The following ACCS variants were observed in gnomAD, a reference collection of about 807,000 sequenced individuals.
ACCS encodes the protein 1-aminocyclopropane-1-carboxylate synthase-like protein 1.
A neutral mutation model predicts 59.8 loss-of-function variants in ACCS; 42 were observed. The ratio of observed to expected loss-of-function variants is 0.70; its 90% CI spans 0.55 to 0.91. The LOEUF (loss-of-function observed/expected upper bound fraction) is 0.91, where lower values mean the gene tolerates loss of function less well. Ranked by LOEUF, ACCS falls within the 40% of genes least tolerant of loss-of-function variation. ACCS has a pLI of 0.00. For synonymous variants in ACCS, 230 were observed against 240.3 expected (o/e 0.96, Z 0.40); for missense variants, 602 against 630.4 (o/e 0.95, Z 0.48).
intron 10 of ACCS, 163 bp from the exon 11 acceptor site, chr11:44,080,857 C>T: frequency 1.2e-6 from 1 of 803,298 alleles, no homozygotes; most frequent in Non-Finnish European, 2.0e-6. Flanking sequence ...CTAACCCCTG[C>T]TCTAAAGGAT....
rs1196768132 is a variant in ACCS, at chr11:44,078,768, C to T, written c.817C>T (p.Leu273=). 1 of 1,613,998 alleles carries T rather than the reference C, an allele frequency of 6.2e-7. No individual in the cohort carries two copies. Among genetic ancestry groups the T allele is most frequent in the Non-Finnish European group, 8.5e-7 (1 of 1,179,976 alleles). Residue 273 remains leucine (L), a synonymous_variant, in exon 9 of 15, where the codon CTG becomes TTG. Coordinates refer to ENST00000263776, the MANE Select transcript of ACCS (RefSeq NM_032592.4). ...VYSPEELQEY[L]VFAKRHRLHV... ...CTCCCCTGAAGAGCTACAGGAGTAC[C>T]TGGTATTTGCCAAGAGGTGAGGCAC...
At chr11:44,069,408 G>C (rs1325797103) in intron 2 of ACCS, among the ~76,000 whole-genome samples, 3 of 152,218 alleles carry the variant, frequency 2.0e-5, no homozygotes, top group Admixed American at 6.5e-5. Flanking sequence ...GTAGAGACAG[G>C]GTTTTGCCAT....
At chr11:44,076,567 C>G (rs938262573) in intron 6 of ACCS, among the ~76,000 whole-genome samples, 1 of 152,162 alleles carries the variant, frequency 6.6e-6, no homozygotes, top group African/African-American at 2.4e-5. Flanking sequence ...AACAGGAACC[C>G]TCTAAGCTTC....
intron 9 of ACCS, chr11:44,079,115 A>G: frequency 2.6e-6 from 1 of 385,848 alleles, no homozygotes; most frequent in Non-Finnish European, 4.8e-6. Context: ...CCTCACAACA[A>G]CCCTCATACA....
intron 10 of ACCS, 54 bp downstream of exon 10, chr11:44,079,674 CT>C (rs1457209421): frequency 1.4e-5 from 21 of 1,528,678 alleles, no homozygotes; most frequent in Non-Finnish European, 1.7e-5. Flanking sequence ...CCACGGAGCC[CT>C]GGCCACTTTC....
chr11:44,066,757 G>C (rs1952812998), intron 1 of ACCS, 56 bp downstream of exon 1: 2 of 152,394 alleles, frequency 1.3e-5, no homozygotes, highest in South Asian at 4.1e-4. Context: ...AGAAGACTTT[G>C]CGGAGGAAAA....
rs779221374 is a variant in ACCS, at chr11:44,071,313, C to T, written c.346C>T (p.Arg116Trp). ...NKLCFDLLSW[R>W]LSQRDMQRVE... ...ACTCTGCTTTGACCTGCTGTCCTGGCGGGTAAGTCCTAGGGCCCCTCTAGG... is the reference window on the plus strand; with the variant it reads ...ACTCTGCTTTGACCTGCTGTCCTGGTGGGTAAGTCCTAGGGCCCCTCTAGG... Residue 116 changes from arginine (R) to tryptophan (W), a missense_variant and splice_region_variant, in exon 3 of 15, where the codon CGG (arginine) becomes TGG (tryptophan). Transcript: ENST00000263776. 44 of 1,614,010 alleles carry T rather than the reference C, an allele frequency of 2.7e-5. No individual in the cohort carries two copies. The highest frequency in any genetic ancestry group is 1.3e-4 in the South Asian group (12 of 91,070).
Position 44,075,574 on chromosome 11 carries a change from G to A in ACCS, c.538G>A (p.Val180Met). Residue 180 changes from valine to methionine, a missense_variant, in exon 6 of 15, where the codon GTG (valine) becomes ATG (methionine). Coordinates refer to ENST00000263776, the MANE Select transcript of ACCS (RefSeq NM_032592.4). ...GASLFSALATVLCEAGEAFLI... is the reference protein window; with the variant it reads ...GASLFSALATMLCEAGEAFLI... Reference sequence around the variant, plus strand: ...CTCGCTCTTCTCTGCTCTGGCCACGGTGCTGTGTGAGGCCGGGGGTAAGTG... The same window carrying A: ...CTCGCTCTTCTCTGCTCTGGCCACGATGCTGTGTGAGGCCGGGGGTAAGTG... 1 of 1,614,164 alleles carries A rather than the reference G, an allele frequency of 6.2e-7. No individual in the cohort carries two copies.
intron 2 of ACCS, among the ~76,000 whole-genome samples, chr11:44,068,774 A>G (rs1332502960): frequency 4.6e-5 from 7 of 152,240 alleles, no homozygotes; most frequent in Non-Finnish European, 7.3e-5. Context: ...TATTCTCATA[A>G]TGCCTTCAGA....
At chr11:44,070,178 G>A (rs1952984681) in intron 2 of ACCS, among the ~76,000 whole-genome samples, 1 of 152,142 alleles carries the variant, frequency 6.6e-6, no homozygotes. Flanking sequence ...TGGACAAAGT[G>A]GAATAGGAGG....
rs1953317238 is a variant in ACCS, at chr11:44,075,562, G to A, written c.526G>A (p.Ala176Thr). 2 of 1,614,198 alleles carry A rather than the reference G, an allele frequency of 1.2e-6. No individual in the cohort carries two copies. The highest frequency in any genetic ancestry group is 4.5e-5 in the East Asian group (2 of 44,884). The change falls in exon 6 of 15, where the codon GCT (alanine) becomes ACT (threonine). Residue 176 changes from alanine (A) to threonine (T), a missense_variant. Coordinates refer to ENST00000263776, the MANE Select transcript of ACCS (RefSeq NM_032592.4). ...VLNGGASLFS[A>T]LATVLCEAGE... The stretch of plus-strand genomic sequence containing the variant: ...GAATGGTGGTGCCTCGCTCTTCTCT[G>A]CTCTGGCCACGGTGCTGTGTGAGGC...
intron 9 of ACCS, chr11:44,079,051 A>C: frequency 2.2e-6 from 1 of 462,154 alleles, no homozygotes. Flanking sequence ...TACAATCCTC[A>C]CAACAATGCT....
intron 12 of ACCS, among the ~76,000 whole-genome samples, chr11:44,082,619 A>T (rs1463379306): frequency 6.6e-6 from 1 of 152,234 alleles, no homozygotes; most frequent in Non-Finnish European, 1.5e-5. Flanking sequence ...TAGTCACATC[A>T]GAGATGTGAC....
At position 44,067,623 on chromosome 11, in the gene ACCS, T is replaced by G. The variant is rs770258735; in HGVS notation, c.1-5T>G. The G allele has an allele frequency of 1.8e-5, 29 of 1,597,890 alleles. No homozygotes were observed. Among genetic ancestry groups the G allele is most frequent in the Non-Finnish European group, 2.4e-5 (28 of 1,172,418 alleles). On this transcript the variant is annotated splice_region_variant and splice_polypyrimidine_tract_variant and intron_variant, in intron 1 of 14. Coordinates refer to ENST00000263776, the MANE Select transcript of ACCS (RefSeq NM_032592.4). ...AGCAGGCCTGTGCGTTTTGTCTTTT[T>G]GCAGATGTTCACCCTTCCTCAAAAG...
At chr11:44,079,462 C>T (rs1953534999) in intron 9 of ACCS, 69 bp from the exon 10 acceptor site, 1 of 1,357,342 alleles carries the variant, frequency 7.4e-7, no homozygotes, top group Non-Finnish European at 1.0e-6. Context: ...GATGTATTAC[C>T]TCCCCACCCT....
intron 6 of ACCS, 176 bp downstream of exon 6, chr11:44,075,768 G>T: frequency 1.4e-6 from 1 of 690,038 alleles, no homozygotes; most frequent in South Asian, 2.2e-5. Flanking sequence ...CAGTTCCAGG[G>T]GAGGTTAGTT....
At chr11:44,067,529 CAGATAAG>C (rs909632831) in intron 1 of ACCS, 92 bp from the exon 2 acceptor site, 1 of 1,249,064 alleles carries the variant, frequency 8.0e-7, no homozygotes, top group African/African-American at 1.5e-5. Flanking sequence ...AAGGAAGGGG[CAGATAAG>C]AGAAAGGGGA....
At chr11:44,073,342 A>G (rs113085937) in intron 3 of ACCS, 105 bp from the exon 4 acceptor site, 61 of 920,744 alleles carry the variant, frequency 6.6e-5, no homozygotes, top group Middle Eastern at 3.2e-4. Flanking sequence ...CCCCTCTCGC[A>G]GTTTCTCTGA....
rs755857092 is a variant in ACCS at position 44,073,513 on chromosome 11, C to A, written c.415C>A (p.Leu139Met). Residue 139 changes from leucine (L) to methionine (M), a missense_variant, in exon 4 of 15, where the codon CTG (leucine) becomes ATG (methionine). Coordinates refer to ENST00000263776, the MANE Select transcript of ACCS (RefSeq NM_032592.4). Reference protein sequence around the residue: ...LLQYADWRGHLFLREEVAKFL... With the variant: ...LLQYADWRGHMFLREEVAKFL... ...GCAGTATGCTGACTGGAGGGGACAT[C>A]TGTTGTAAGTAGTTGCCATAGGGTG... is the stretch of plus-strand genomic sequence containing the variant. The A allele has an allele frequency of 1.2e-5, 19 of 1,607,474 alleles. No individual in the cohort carries two copies. Among genetic ancestry groups the A allele is most frequent in the Non-Finnish European group, 1.6e-5 (19 of 1,177,042 alleles).
Sources: allele counts gnomAD v4.1 joint callset (sites outside exome capture counted in the v4.1 genomes callset), GRCh38; gene constraint gnomAD v4.1.1; transcripts MANE v1.5; gene names NCBI Gene and HGNC (gene_info 2026-07-23, HGNC 2026-07-21).